The following WHRN variants were observed in gnomAD, a reference collection of about 807,000 sequenced individuals.
WHRN encodes whirlin, also known as CASK-interacting protein CIP98.
A neutral mutation model predicts 68.3 loss-of-function variants in WHRN; 41 were observed. The observed-to-expected ratio is 0.60, with a 90% CI of 0.47 to 0.78. The LOEUF is 0.78. Ranked by LOEUF, WHRN falls within the 30% of genes least tolerant of loss-of-function variation. The pLI is 0.00. For synonymous variants in WHRN, 560 were observed against 561.3 expected (o/e 1.00, Z 0.03); for missense variants, 1,243 against 1,244.7 (o/e 1.00, Z 0.02).
chr9:114,461,005 G>A (rs1448005733), intron 3 of WHRN, among the ~76,000 whole-genome samples: 2 of 152,176 alleles, frequency 1.3e-5, no homozygotes, highest in East Asian at 3.8e-4. Flanking sequence ...CCCTGGAAGG[G>A]AAAGTACAAT....
chr9:114,505,070 G>T lies in WHRN; in HGVS notation c.-269C>A, dbSNP rs551952938. On this transcript the variant is annotated 5_prime_UTR_variant, in exon 1 of 12. Transcript: ENST00000362057. ...CGGGTTCCTGAGAGACACAAGAGTT[G>T]GCTGCTGGAGCCCGGAGGTGGCGGA... The T allele has an allele frequency of 3.6e-5, 15 of 417,494 alleles. No individual in the cohort carries two copies. 25.9% of individuals were successfully genotyped at this position (417,494 alleles called of 1,614,324 possible).
rs753228548 is a variant in WHRN at position 114,406,547 on chromosome 9, G to T, written c.2044C>A (p.Arg682=). Residue 682 remains arginine (R), a synonymous_variant, in exon 9 of 12, where the codon CGG becomes AGG. Coordinates refer to ENST00000362057, the MANE Select transcript of WHRN (RefSeq NM_015404.4). Reference sequence around the variant, plus strand: ...TTCAGGTGCGGGGGTGACTGGACCCGTGGGAAGGGGCCGATGGGGTGTTGG... The same window carrying T: ...TTCAGGTGCGGGGGTGACTGGACCCTTGGGAAGGGGCCGATGGGGTGTTGG... ...VNQHPIGPFP[R]VQSPPHLKSP... is the part of the protein sequence containing the mutation. 2 of 1,612,948 alleles carry T rather than the reference G, an allele frequency of 1.2e-6. No individual in the cohort carries two copies. Among genetic ancestry groups the T allele is most frequent in the East Asian group, 2.2e-5 (1 of 44,862 alleles).
At chr9:114,416,709 A>C (rs1338291612) in intron 7 of WHRN, among the ~76,000 whole-genome samples, 5 of 152,194 alleles carry the variant, frequency 3.3e-5, no homozygotes, top group Non-Finnish European at 7.3e-5. Flanking sequence ...GCAGTTTCTT[A>C]CAGTAGTGTG....
rs1194251132 is a variant in WHRN, at chr9:114,505,205, C to T, written c.-404G>A. 4 of 174,498 alleles carry T rather than the reference C, an allele frequency of 2.3e-5. No individual in the cohort carries two copies. The highest frequency in any genetic ancestry group is 1.6e-4 in the East Asian group (1 of 6,210). 10.8% of individuals were successfully genotyped at this position (174,498 alleles called of 1,614,324 possible). A position where few individuals can be genotyped will look rare whatever the true frequency, so the allele number is the denominator to read the frequency against. ...CGCCGCAAAGCTGACCTGACTGCCC[C>T]GTCACACCATGCCCGGGGCTCCCCC... On this transcript the variant is annotated 5_prime_UTR_variant, in exon 1 of 12. Transcript: ENST00000362057.
chr9:114,465,013 C>T (rs990240039), intron 3 of WHRN, among the ~76,000 whole-genome samples: 5 of 152,204 alleles, frequency 3.3e-5, no homozygotes, highest in African/African-American at 4.8e-5. Context: ...TGAGGGCTTA[C>T]GTAGTGTTAT....
intron 3 of WHRN, among the ~76,000 whole-genome samples, chr9:114,450,584 T>G (rs983550588): frequency 2.0e-5 from 3 of 152,194 alleles, no homozygotes; most frequent in African/African-American, 7.2e-5. Flanking sequence ...GAATAATTTT[T>G]AAAGCTAATT....
At chr9:114,489,960 A>G (rs1299621818) in intron 1 of WHRN, among the ~76,000 whole-genome samples, 1 of 152,228 alleles carries the variant, frequency 6.6e-6, no homozygotes, top group African/African-American at 2.4e-5. Flanking sequence ...TTATTCTTAT[A>G]TTATTTTGGA....
chr9:114,438,187 A>G (rs528787208), intron 3 of WHRN, among the ~76,000 whole-genome samples: 1 of 152,216 alleles, frequency 6.6e-6, no homozygotes, highest in Admixed American at 6.5e-5. Context: ...GTGAGTCGAG[A>G]CTGTGCCACA....
chr9:114,465,533 C>T (rs980205354), intron 3 of WHRN, among the ~76,000 whole-genome samples: 2 of 152,186 alleles, frequency 1.3e-5, no homozygotes, highest in Non-Finnish European at 2.9e-5. Context: ...TCCCTGGCAT[C>T]AGGATTTAGC....
At chr9:114,445,445 T>C (rs1034324242) in intron 3 of WHRN, among the ~76,000 whole-genome samples, 1 of 152,220 alleles carries the variant, frequency 6.6e-6, no homozygotes, top group Non-Finnish European at 1.5e-5. Flanking sequence ...CTCCAAGTGA[T>C]CAATTCCAGG....
intron 7 of WHRN, among the ~76,000 whole-genome samples, chr9:114,416,565 G>C (rs888861429): frequency 6.6e-6 from 1 of 152,166 alleles, no homozygotes; most frequent in African/African-American, 2.4e-5. Context: ...AGCCATGTAA[G>C]ATGTGCCTGC....
At chr9:114,431,495 C>T (rs1334468735) in intron 3 of WHRN, among the ~76,000 whole-genome samples, 2 of 152,206 alleles carry the variant, frequency 1.3e-5, no homozygotes, top group African/African-American at 2.4e-5. Context: ...CCACCTTCAC[C>T]CCAGCACAGC....
chr9:114,499,902 A>T (rs1334956290), intron 1 of WHRN, among the ~76,000 whole-genome samples: 1 of 152,204 alleles, frequency 6.6e-6, no homozygotes, highest in Non-Finnish European at 1.5e-5. Context: ...ACAAGACACT[A>T]GCGCTGGTGT....
At chr9:114,428,779 C>T (rs976015831) in intron 3 of WHRN, among the ~76,000 whole-genome samples, 8 of 152,016 alleles carry the variant, frequency 5.3e-5, no homozygotes, top group Admixed American at 4.6e-4. Flanking sequence ...TGCCTTTACC[C>T]CCCTGAGCAG....
chr9:114,425,970 G>A, intron 4 of WHRN: 1 of 594,746 alleles, frequency 1.7e-6, no homozygotes, highest in Non-Finnish European at 3.0e-6. Context: ...AATGAGTTAA[G>A]TAATTTGGGG....
chr9:114,484,294 C>T (rs13286452), intron 1 of WHRN, among the ~76,000 whole-genome samples: 63,015 of 151,998 alleles, frequency 0.41, 14,865 homozygotes, highest in East Asian at 0.62. Flanking sequence ...TCCATCTGCA[C>T]GCTAGTGACT....
chr9:114,418,159 G>C (rs542505622), intron 7 of WHRN, among the ~76,000 whole-genome samples: 10 of 152,172 alleles, frequency 6.6e-5, no homozygotes, highest in Admixed American at 2.6e-4. Context: ...AGTCCCCACC[G>C]GCAGGAAGGG....
At chr9:114,495,538 G>A (rs565635231) in intron 1 of WHRN, among the ~76,000 whole-genome samples, 41 of 152,326 alleles carry the variant, frequency 2.7e-4, no homozygotes, top group Admixed American at 2.6e-4. Context: ...AAAGCACAAC[G>A]AGAAGGCAAT....
chr9:114,443,432 CT>C, intron 3 of WHRN, among the ~76,000 whole-genome samples: 1 of 152,186 alleles, frequency 6.6e-6, no homozygotes, highest in Non-Finnish European at 1.5e-5. Context: ...TACTTTCCTA[CT>C]TTGGTAGCCC....
Sources: gnomAD v4.1 joint callset for allele counts (sites outside exome capture counted in the v4.1 genomes callset) on GRCh38, gnomAD v4.1.1 for gene constraint, MANE v1.5 for transcripts, NCBI Gene and HGNC (gene_info 2026-07-23, HGNC 2026-07-21) for gene names.